Variants in PDZRN3 observed in about 807,000 individuals in gnomAD.
PDZRN3 encodes E3 ubiquitin-protein ligase PDZRN3.
In PDZRN3, 38 loss-of-function variants were observed where a neutral mutation model predicts 85.7. The observed-to-expected ratio is 0.44, with a 90% CI of 0.34 to 0.58. The LOEUF (loss-of-function observed/expected upper bound fraction) is 0.58, where lower values mean the gene tolerates loss of function less well. PDZRN3 is among the 20% of genes least tolerant of loss of function. The probability of loss-of-function intolerance (pLI) is 0.01; values close to 1 mark genes in which losing one functional copy is unlikely to be tolerated. For synonymous variants in PDZRN3, 759 were observed against 638.0 expected (o/e 1.19, Z -2.86); for missense variants, 1,629 against 1,506.4 (o/e 1.08, Z -1.35).
At chr3:73,543,350 T>C (rs1317964377) in intron 3 of PDZRN3, among the ~76,000 whole-genome samples, 1 of 152,174 alleles carries the variant, frequency 6.6e-6, no homozygotes, top group Non-Finnish European at 1.5e-5. Flanking sequence ...AGCAAAAAGG[T>C]AGCTTCTGCA....
intron 3 of PDZRN3, among the ~76,000 whole-genome samples, chr3:73,533,223 T>C (rs1038470933): frequency 3.9e-5 from 6 of 152,210 alleles, no homozygotes; most frequent in Non-Finnish European, 5.9e-5. Context: ...AGTTTCCATA[T>C]TGTTTATGGC....
In PDZRN3 at chr3:73,430,309, T is replaced by C. The variant is rs185486597; in HGVS notation, c.919-25914A>G. ...TCAGTAATGAATAGTCCTGTGACTA[T>C]AGATAAGTTTTCCTTATCCTGAAAA... is the stretch of plus-strand genomic sequence containing the variant. On this transcript the variant is annotated intron_variant, in intron 3 of 9. Coordinates refer to ENST00000263666, the MANE Select transcript of PDZRN3 (RefSeq NM_015009.3). Among the ~76,000 whole-genome samples the C allele has an allele frequency of 7.9e-5, 12 of 152,332 alleles. No homozygotes were observed. In the East Asian group the frequency reaches 2.3e-3, roughly 29 times the overall value.
intron 3 of PDZRN3, among the ~76,000 whole-genome samples, chr3:73,552,434 C>T (rs1197152688): frequency 6.6e-6 from 1 of 152,106 alleles, no homozygotes; most frequent in Non-Finnish European, 1.5e-5. Context: ...GAGGAGTTTA[C>T]ACAATTATCT....
chr3:73,500,470 T>C (rs539051940), intron 3 of PDZRN3, among the ~76,000 whole-genome samples: 1 of 152,276 alleles, frequency 6.6e-6, no homozygotes, highest in South Asian at 2.1e-4. Flanking sequence ...ACATTTCACT[T>C]TGGGCCCTGA....
chr3:73,434,122 C>G (rs1702487301), intron 3 of PDZRN3: 1 of 213,836 alleles, frequency 4.7e-6, no homozygotes, highest in African/African-American at 2.3e-5. Flanking sequence ...TGAAATTTCT[C>G]TAATTAACAA....
rs1701723597 is a variant in PDZRN3 at position 73,400,347 on chromosome 3, A to G, written c.1254+575T>C. On this transcript the variant is annotated intron_variant, in intron 5 of 9. Coordinates refer to ENST00000263666, the MANE Select transcript of PDZRN3 (RefSeq NM_015009.3). Reference sequence around the variant, plus strand: ...ACCTGGTGTCCTCTAAATATTTTAAACCTTAACAGAGACCTATTTGACATT... The same window carrying G: ...ACCTGGTGTCCTCTAAATATTTTAAGCCTTAACAGAGACCTATTTGACATT... 2.0e-5 allele frequency among the ~76,000 whole-genome samples: 3 copies of G among 152,194 alleles called. No individual in the cohort carries two copies. The South Asian group carries it at 6.2e-4, about 32-fold the overall frequency.
intron 3 of PDZRN3, among the ~76,000 whole-genome samples, chr3:73,453,287 T>C (rs928699131): frequency 6.6e-6 from 1 of 151,576 alleles, no homozygotes; most frequent in African/African-American, 2.4e-5. Context: ...GCACCTGTAG[T>C]CCCAGCTACT....
At chr3:73,616,957 C>A (rs1277083249) in intron 1 of PDZRN3, among the ~76,000 whole-genome samples, 1 of 152,200 alleles carries the variant, frequency 6.6e-6, no homozygotes, top group Non-Finnish European at 1.5e-5. Context: ...ACACGCAATA[C>A]ACTAGCTCTA....
At chr3:73,393,605 A>T (rs912850829) in intron 5 of PDZRN3, among the ~76,000 whole-genome samples, 1 of 152,192 alleles carries the variant, frequency 6.6e-6, no homozygotes, top group South Asian at 2.1e-4. Context: ...AAAGTAAACA[A>T]ACCAGCCAAC....
chr3:73,526,011 G>T (rs1704513737), intron 3 of PDZRN3, among the ~76,000 whole-genome samples: 2 of 152,194 alleles, frequency 1.3e-5, no homozygotes, highest in South Asian at 4.1e-4. Context: ...AGGCTTTAGA[G>T]GTAGATTGTC....
chr3:73,603,343 C>G (rs778119612), intron 2 of PDZRN3, among the ~76,000 whole-genome samples: 12 of 152,178 alleles, frequency 7.9e-5, no homozygotes, highest in Non-Finnish European at 1.8e-4. Flanking sequence ...GCTCACTGTT[C>G]AAACTCCTTC....
chr3:73,621,337 T>C (rs1197050997), intron 1 of PDZRN3, among the ~76,000 whole-genome samples: 2 of 152,250 alleles, frequency 1.3e-5, no homozygotes, highest in Non-Finnish European at 2.9e-5. Context: ...GAAGAGCTGG[T>C]ACTGAAAATC....
At chr3:73,461,727 G>A (rs772431987) in intron 3 of PDZRN3, among the ~76,000 whole-genome samples, 1 of 152,184 alleles carries the variant, frequency 6.6e-6, no homozygotes, top group Non-Finnish European at 1.5e-5. Context: ...TCACAGACAT[G>A]TCATGTGTAC....
chr3:73,433,198 G>C (rs1197679628), intron 3 of PDZRN3, among the ~76,000 whole-genome samples: 1 of 152,232 alleles, frequency 6.6e-6, no homozygotes, highest in Non-Finnish European at 1.5e-5. Context: ...AAAGAACCAA[G>C]TCAGCAGAGG....
chr3:73,413,405 G>A (rs546657156), intron 3 of PDZRN3, among the ~76,000 whole-genome samples: 2 of 152,230 alleles, frequency 1.3e-5, no homozygotes, highest in African/African-American at 2.4e-5. Flanking sequence ...GACACTGAAC[G>A]CCACACATGG....
intron 3 of PDZRN3, among the ~76,000 whole-genome samples, chr3:73,552,488 CT>C (rs1467590239): frequency 3.3e-5 from 5 of 152,054 alleles, no homozygotes; most frequent in Non-Finnish European, 7.4e-5. Context: ...GTTTTCTTCT[CT>C]GGAAGAAATA....
intron 3 of PDZRN3, among the ~76,000 whole-genome samples, chr3:73,515,900 A>G (rs1704247991): frequency 6.6e-6 from 1 of 152,234 alleles, no homozygotes; most frequent in Non-Finnish European, 1.5e-5. Flanking sequence ...CTAAAACAAC[A>G]GTCCCCAAAG....
intron 3 of PDZRN3, among the ~76,000 whole-genome samples, chr3:73,436,784 A>G (rs1702538215): frequency 6.6e-6 from 1 of 152,158 alleles, no homozygotes; most frequent in African/African-American, 2.4e-5. Flanking sequence ...GCAGTGGCTC[A>G]TGCCTGTAAT....
At chr3:73,612,123 A>C (rs1419038729) in intron 1 of PDZRN3, among the ~76,000 whole-genome samples, 1 of 152,244 alleles carries the variant, frequency 6.6e-6, no homozygotes, top group African/African-American at 2.4e-5. Flanking sequence ...ACATAGTAAA[A>C]CAAAGAGAGA....
Sources: allele counts gnomAD v4.1 joint callset (sites outside exome capture counted in the v4.1 genomes callset), GRCh38; gene constraint gnomAD v4.1.1; transcripts MANE v1.5; gene names NCBI Gene and HGNC (gene_info 2026-07-23, HGNC 2026-07-21).